Variants in TLL2 observed in about 807,000 individuals in gnomAD.
TLL2 encodes tolloid-like protein 2.
Under a neutral mutation model 123.0 loss-of-function variants are expected in TLL2, and 106 were observed. The ratio of observed to expected loss-of-function variants is 0.86; its 90% CI spans 0.74 to 1.01. The LOEUF (loss-of-function observed/expected upper bound fraction) is 1.01. Among genes scored for constraint, TLL2 ranks in the 50% least tolerant of loss-of-function variants. The probability of loss-of-function intolerance (pLI) is 0.00; values close to 1 mark genes in which losing one functional copy is unlikely to be tolerated. For synonymous variants in TLL2, 494 were observed against 516.8 expected, an observed-to-expected ratio of 0.96 and a Z score of 0.60; for missense variants, 1,332 against 1,336.7, an observed-to-expected ratio of 1.00 and a Z score of 0.06.
chr10:96,441,020 A>T (rs1434956064), intron 3 of TLL2, among the ~76,000 whole-genome samples: 6 of 150,846 alleles, frequency 4.0e-5, no homozygotes, highest in Admixed American at 4.0e-4. Context: ...AGGATTTAAC[A>T]CGCTGGGGGT....
chr10:96,457,342 G>A (rs1227182439), intron 2 of TLL2, among the ~76,000 whole-genome samples: 2 of 152,180 alleles, frequency 1.3e-5, no homozygotes, highest in Non-Finnish European at 2.9e-5. Context: ...GAACTCACCT[G>A]GCTGAATGAC....
intron 8 of TLL2, among the ~76,000 whole-genome samples, chr10:96,411,385 C>A (rs1271313115): frequency 2.6e-5 from 4 of 151,172 alleles, no homozygotes; most frequent in Non-Finnish European, 5.9e-5. Flanking sequence ...CTGCTACTCA[C>A]TTCTGAAAGA....
chr10:96,509,990 G>T (rs972281504), intron 1 of TLL2, among the ~76,000 whole-genome samples: 43 of 152,218 alleles, frequency 2.8e-4, no homozygotes, highest in African/African-American at 9.2e-4. Flanking sequence ...AATAAAACTG[G>T]CCTTTTGTCT....
chr10:96,407,276 T>C (rs1846460384), intron 9 of TLL2, among the ~76,000 whole-genome samples: 1 of 152,026 alleles, frequency 6.6e-6, no homozygotes, highest in Admixed American at 6.6e-5. Flanking sequence ...AGTGTCCCCC[T>C]CCTCGAGCCT....
intron 13 of TLL2, among the ~76,000 whole-genome samples, chr10:96,389,000 T>G (rs922890199): frequency 6.6e-6 from 1 of 152,196 alleles, no homozygotes; most frequent in Non-Finnish European, 1.5e-5. Flanking sequence ...GTAATAAGTA[T>G]GCTAAAATAG....
intron 2 of TLL2, among the ~76,000 whole-genome samples, chr10:96,446,727 C>A (rs1846900329): frequency 6.6e-6 from 1 of 152,306 alleles, no homozygotes; most frequent in Admixed American, 6.5e-5. Flanking sequence ...CATAGACACT[C>A]TGTTTACGAA....
chr10:96,386,134 T>G lies in TLL2; in HGVS notation c.1934A>C (p.Asn645Thr). The change falls in exon 15 of 21, where the codon AAC (asparagine) becomes ACC (threonine). Residue 645 changes from asparagine (N) to threonine (T), a missense_variant. Coordinates refer to ENST00000357947, the MANE Select transcript of TLL2 (RefSeq NM_012465.4). Reference sequence around the variant, plus strand: ...GGGGGCCACCACCTGCCAGACACAGTTTTTGTTTGTGGGATACTCCTTCGG... The same window carrying G: ...GGGGGCCACCACCTGCCAGACACAGGTTTTGTTTGTGGGATACTCCTTCGG... ...GWPKEYPTNK[N>T]CVWQVVAPAQ... is the part of the protein sequence containing the mutation. 6.2e-7 allele frequency: 1 copy of G among 1,612,592 alleles called. No individual in the cohort carries two copies. The highest frequency in any genetic ancestry group is 8.5e-7 in the Non-Finnish European group (1 of 1,179,254).
intron 1 of TLL2, among the ~76,000 whole-genome samples, chr10:96,492,790 C>A (rs959191451): frequency 6.6e-6 from 1 of 152,208 alleles, no homozygotes; most frequent in East Asian, 1.9e-4. Context: ...ACTGGGAATG[C>A]GGCATTTCCC....
At chr10:96,470,100 A>G (rs1224383084) in intron 2 of TLL2, among the ~76,000 whole-genome samples, 1 of 152,148 alleles carries the variant, frequency 6.6e-6, no homozygotes, top group Non-Finnish European at 1.5e-5. Flanking sequence ...CACATTTTCC[A>G]TCTGAGAATC....
At chr10:96,482,201 T>C (rs1345003078) in intron 1 of TLL2, among the ~76,000 whole-genome samples, 4 of 149,360 alleles carry the variant, frequency 2.7e-5, no homozygotes, top group Non-Finnish European at 4.4e-5. Flanking sequence ...GAGCTTGCAG[T>C]GAGCCGAGAT....
Position 96,476,240 on chromosome 10 carries a change from A to ATATATATATATATATTTTTTTTTTTTT in TLL2, c.286+4108_286+4109insAAAAAAAAAAAAATATATATATATATA. Among the ~76,000 whole-genome samples the ATATATATATATATATTTTTTTTTTTTT allele has an allele frequency of 2.0e-4, 4 of 20,474 alleles. 1 individual carries two copies. The highest frequency in any genetic ancestry group is 3.5e-3 in the South Asian group (2 of 572). The allele number at this position is 20,474 out of a possible 152,430, so 13.4% of individuals were successfully genotyped here. A position where few individuals can be genotyped will look rare whatever the true frequency, so the allele number is the denominator to read the frequency against. On this transcript the variant is annotated intron_variant, in intron 2 of 20. Transcript: ENST00000357947. The stretch of plus-strand genomic sequence containing the variant: ...TTTATATGTATATATATATATATAT[A>ATATATATATATATATTTTTTTTTTTTT]TTTTATTTTTGTTGTTGTTGTTGTT...
intron 7 of TLL2, among the ~76,000 whole-genome samples, chr10:96,420,480 TG>T (rs1430619277): frequency 6.6e-6 from 1 of 152,248 alleles, no homozygotes; most frequent in Non-Finnish European, 1.5e-5. Context: ...CTCAGCTACC[TG>T]TCCATCTGAG....
At chr10:96,480,018 G>T (rs1471807234) in intron 2 of TLL2, among the ~76,000 whole-genome samples, 1 of 152,224 alleles carries the variant, frequency 6.6e-6, no homozygotes, top group East Asian at 1.9e-4. Context: ...TTGCTATGAG[G>T]TGTTATGGTT....
At chr10:96,412,966 C>T (rs1846520956) in intron 8 of TLL2, among the ~76,000 whole-genome samples, 1 of 152,238 alleles carries the variant, frequency 6.6e-6, no homozygotes, top group South Asian at 2.1e-4. Flanking sequence ...TGAAGCCTCT[C>T]ATGAAATTGC....
In TLL2 at chr10:96,435,059, T is replaced by C. The variant is rs1301697467; in HGVS notation, c.365-2097A>G. On this transcript the variant is annotated intron_variant, in intron 3 of 20. Transcript: ENST00000357947. ...TCTTTTTTTTTTTTTTGAGACGGAG[T>C]CTTGCTCTGTTGCCCAGGCTGGAGT... Among the ~76,000 whole-genome samples the C allele has an allele frequency of 2.0e-5, 3 of 147,252 alleles. No homozygotes were observed. The East Asian group carries it at 5.9e-4, about 29-fold the overall frequency.
At chr10:96,425,710 A>G (rs942525258) in intron 5 of TLL2, among the ~76,000 whole-genome samples, 1 of 152,022 alleles carries the variant, frequency 6.6e-6, no homozygotes, top group Non-Finnish European at 1.5e-5. Flanking sequence ...TGGTCACTTA[A>G]TAGAGTCTCC....
intron 1 of TLL2, among the ~76,000 whole-genome samples, chr10:96,494,234 G>A (rs1039471747): frequency 6.6e-6 from 1 of 152,210 alleles, no homozygotes; most frequent in African/African-American, 2.4e-5. Context: ...GGTGGTGAAC[G>A]GCCCCTGAGT....
At chr10:96,375,362 G>A (rs1589404641) in intron 18 of TLL2, 3 of 152,182 alleles carry the variant, frequency 2.0e-5, no homozygotes, top group East Asian at 3.9e-4. Flanking sequence ...CGTTTCCCAA[G>A]GGAACGCCTT....
chr10:96,452,542 C>T (rs1226273962), intron 2 of TLL2, among the ~76,000 whole-genome samples: 2 of 152,206 alleles, frequency 1.3e-5, no homozygotes, highest in African/African-American at 4.8e-5. Context: ...GTAATCTGCA[C>T]AGCAATCCCG....
Sources: gnomAD v4.1 joint callset for allele counts (sites outside exome capture counted in the v4.1 genomes callset) on GRCh38, gnomAD v4.1.1 for gene constraint, MANE v1.5 for transcripts, NCBI Gene and HGNC (gene_info 2026-07-23, HGNC 2026-07-21) for gene names.